MAP2K3: variants seen among roughly 807,000 people sequenced by gnomAD.
MAP2K3 encodes dual specificity mitogen-activated protein kinase kinase 3.
A neutral mutation model predicts 46.4 loss-of-function variants in MAP2K3; 30 were observed. The observed-to-expected ratio is 0.65, with a 90% CI of 0.48 to 0.88. The LOEUF is 0.88. Ranked by LOEUF, MAP2K3 falls within the 40% of genes least tolerant of loss-of-function variation. The probability of loss-of-function intolerance (pLI) is 0.00; values close to 1 mark genes in which losing one functional copy is unlikely to be tolerated. For synonymous variants in MAP2K3, 189 were observed against 176.3 expected, an observed-to-expected ratio of 1.07 and a Z score of -0.57; for missense variants, 380 against 464.5, an observed-to-expected ratio of 0.82 and a Z score of 1.67.
At chr17:21,310,958 C>G (rs573985903) in intron 9 of MAP2K3, among the ~76,000 whole-genome samples, 4 of 152,222 alleles carry the variant, frequency 2.6e-5, no homozygotes, top group Non-Finnish European at 4.4e-5. Context: ...TCCTGTAGCT[C>G]GTATGGGGTA....
chr17:21,307,114 C>T (rs1208666326), intron 9 of MAP2K3, among the ~76,000 whole-genome samples: 2 of 152,310 alleles, frequency 1.3e-5, no homozygotes, highest in African/African-American at 4.8e-5. Context: ...AGTCTCCAGG[C>T]CCCCCTCCTC....
At chr17:21,287,733 G>T (rs572158611) in intron 1 of MAP2K3, among the ~76,000 whole-genome samples, 4 of 152,242 alleles carry the variant, frequency 2.6e-5, no homozygotes, top group Non-Finnish European at 5.9e-5. Flanking sequence ...TACCACACGT[G>T]TCCTGTTGTC....
intron 1 of MAP2K3, among the ~76,000 whole-genome samples, chr17:21,294,453 AC>A (rs1976126579): frequency 6.6e-6 from 1 of 152,308 alleles, no homozygotes; most frequent in South Asian, 2.1e-4. Context: ...CCTGTGGGTG[AC>A]CCTTAGAGGG....
chr17:21,292,119 G>T (rs1300543515), intron 1 of MAP2K3, among the ~76,000 whole-genome samples: 1 of 152,310 alleles, frequency 6.6e-6, no homozygotes, highest in Non-Finnish European at 1.5e-5. Context: ...GTCAGCATCT[G>T]CACTGGACAG....
At chr17:21,302,785 A>G (rs1179823975) in intron 6 of MAP2K3, among the ~76,000 whole-genome samples, 1 of 152,310 alleles carries the variant, frequency 6.6e-6, no homozygotes, top group Non-Finnish European at 1.5e-5. Flanking sequence ...CATTTACAAT[A>G]TACCCCTGCC....
chr17:21,314,863 T>G lies in MAP2K3; in HGVS notation c.*633T>G, dbSNP rs1279469561. ...TATCGGTGTCATTCACCTTTCGTGT[T>G]TTTTTTAATTTATCCTCTGTTGATT... On this transcript the variant is annotated 3_prime_UTR_variant, in exon 12 of 12. Coordinates refer to ENST00000342679, the MANE Select transcript of MAP2K3 (RefSeq NM_145109.3). The G allele has an allele frequency of 1.3e-5, 2 of 153,036 alleles. No individual in the cohort carries two copies. The highest frequency in any genetic ancestry group is 2.9e-5 in the Non-Finnish European group (2 of 68,324). 9.5% of individuals were successfully genotyped at this position (153,036 alleles called of 1,614,324 possible).
At chr17:21,295,672 C>G (rs372334082) in intron 1 of MAP2K3, 1 of 1,289,490 alleles carries the variant, frequency 7.8e-7, no homozygotes, top group South Asian at 1.2e-5. Context: ...GTGTCCCCAA[C>G]AGGCCGGTGG....
At position 21,314,201 on chromosome 17, in the gene MAP2K3, G is replaced by A. The variant is rs2363198; in HGVS notation, c.1015G>A (p.Val339Met). 86 of 1,613,868 alleles carry A rather than the reference G, an allele frequency of 5.3e-5. No individual in the cohort carries two copies. The highest frequency in any genetic ancestry group is 1.6e-4 in the Middle Eastern group (1 of 6,080). Residue 339 changes from valine (V) to methionine (M), a missense_variant, in exon 12 of 12, where the codon GTG becomes ATG. Transcript: ENST00000342679. Reference sequence around the variant, plus strand: ...CAAGAAGACGGACATTGCTGCCTTCGTGAAGGAGATCCTGGGAGAAGACTC... The same window carrying A: ...CAAGAAGACGGACATTGCTGCCTTCATGAAGGAGATCCTGGGAGAAGACTC... ...KTKKTDIAAF[V>M]KEILGEDS
At chr17:21,288,243 G>T (rs1312950676) in intron 1 of MAP2K3, among the ~76,000 whole-genome samples, 1 of 152,256 alleles carries the variant, frequency 6.6e-6, no homozygotes, top group Admixed American at 6.5e-5. Flanking sequence ...GGCACTGGAG[G>T]TGGCCCCTTC....
chr17:21,305,885 C>A (rs1454668030), intron 9 of MAP2K3, among the ~76,000 whole-genome samples: 3 of 152,282 alleles, frequency 2.0e-5, no homozygotes, highest in Non-Finnish European at 4.4e-5. Context: ...AGTTGAGTGG[C>A]TTGGGACCAA....
In MAP2K3 at chr17:21,284,920, C is replaced by A. The variant is rs1759688030; in HGVS notation, c.-1C>A. ...ACCGCCGTCCAGGACCCACTTGCAG[C>A]ATGGAGTCGCCCGCCTCGAGCCAGC... On this transcript the variant is annotated 5_prime_UTR_variant, in exon 1 of 12. Transcript: ENST00000342679. The A allele has an allele frequency of 6.2e-7, 1 of 1,611,924 alleles. No homozygotes were observed. The highest frequency in any genetic ancestry group is 8.5e-7 in the Non-Finnish European group (1 of 1,179,624).
At chr17:21,298,187 G>A (rs1976369166) in intron 1 of MAP2K3, among the ~76,000 whole-genome samples, 1 of 152,308 alleles carries the variant, frequency 6.6e-6, no homozygotes, top group Non-Finnish European at 1.5e-5. Flanking sequence ...AGGCCCTGGA[G>A]TCCAGCCTCC....
In MAP2K3 at chr17:21,284,821, G is replaced by C. The variant is rs958370079; in HGVS notation, c.-100G>C. ...CGCCGCCGCCGCTGCTCCTCCGCCTGGCCTGGGCCGTCTGCCCGCAGCCAT... is the reference window on the plus strand; with the variant it reads ...CGCCGCCGCCGCTGCTCCTCCGCCTCGCCTGGGCCGTCTGCCCGCAGCCAT... On this transcript the variant is annotated 5_prime_UTR_variant, in exon 1 of 12. Transcript: ENST00000342679. 13 of 1,384,474 alleles carry C rather than the reference G, an allele frequency of 9.4e-6. No individual in the cohort carries two copies. The Admixed American group carries it at 2.7e-4, about 29-fold the overall frequency. 85.8% of individuals were successfully genotyped at this position (1,384,474 alleles called of 1,614,324 possible). A position where few individuals can be genotyped will look rare whatever the true frequency, so the allele number is the denominator to read the frequency against.
intron 1 of MAP2K3, 171 bp downstream of exon 1, chr17:21,285,140 C>T (rs1191974241): frequency 5.0e-5 from 43 of 860,548 alleles, no homozygotes; most frequent in Non-Finnish European, 5.9e-5. Context: ...CGCCTGGGCC[C>T]TCACCTGGAC....
In MAP2K3 at chr17:21,294,296, C is replaced by G. The variant is rs573137990; in HGVS notation, c.50-4117C>G. ...TAGAACAGGGACCTCCTGGAACATC[C>G]GGAAGTCAGGTGAGGGCAGTGAACT... On this transcript the variant is annotated intron_variant, in intron 1 of 11. Transcript: ENST00000342679. 2.6e-5 allele frequency among the ~76,000 whole-genome samples: 4 copies of G among 152,428 alleles called. No homozygotes were observed. The East Asian group carries it at 7.7e-4, about 29-fold the overall frequency.
intron 9 of MAP2K3, among the ~76,000 whole-genome samples, chr17:21,308,289 A>G (rs1976997941): frequency 6.6e-6 from 1 of 152,296 alleles, no homozygotes; most frequent in Non-Finnish European, 1.5e-5. Context: ...CTAGGATTAC[A>G]GGCATTTGCC....
chr17:21,290,821 C>T (rs1254377491), intron 1 of MAP2K3, among the ~76,000 whole-genome samples: 2 of 152,306 alleles, frequency 1.3e-5, no homozygotes, highest in South Asian at 4.1e-4. Context: ...CATGGTGGCA[C>T]ACGTCTGTAG....
At chr17:21,309,970 G>A (rs35846020) in intron 9 of MAP2K3, among the ~76,000 whole-genome samples, 1 of 150,506 alleles carries the variant, frequency 6.6e-6, no homozygotes, top group Non-Finnish European at 1.5e-5. Context: ...GTTCATATTT[G>A]TCTCTCTCTC....
intron 1 of MAP2K3, among the ~76,000 whole-genome samples, chr17:21,289,345 G>T (rs1333946826): frequency 2.6e-5 from 4 of 152,136 alleles, no homozygotes; most frequent in African/African-American, 9.7e-5. Context: ...AGGTGGGGTG[G>T]GACTGGGAAT....
Sources: allele counts gnomAD v4.1 joint callset (sites outside exome capture counted in the v4.1 genomes callset), GRCh38; gene constraint gnomAD v4.1.1; transcripts MANE v1.5; gene names NCBI Gene and HGNC (gene_info 2026-07-23, HGNC 2026-07-21).